The following PRKG1 variants were observed in gnomAD, a reference collection of about 807,000 sequenced individuals.
PRKG1 encodes the protein cGMP-dependent protein kinase 1.
Under a neutral mutation model 88.1 loss-of-function variants are expected in PRKG1, and 35 were observed. The ratio of observed to expected loss-of-function variants is 0.40; its 90% CI spans 0.30 to 0.53. The LOEUF (loss-of-function observed/expected upper bound fraction) is 0.53, where lower values mean the gene tolerates loss of function less well. PRKG1 is among the 20% of genes least tolerant of loss of function. PRKG1 has a pLI of 0.59. For synonymous variants in PRKG1, 303 were observed against 292.5 expected (o/e 1.04, Z -0.37); for missense variants, 540 against 839.8 (o/e 0.64, Z 4.41).
chr10:51,077,411 T>C (rs1316085481), intron 1 of PRKG1, among the ~76,000 whole-genome samples: 1 of 152,200 alleles, frequency 6.6e-6, no homozygotes, highest in Non-Finnish European at 1.5e-5. Flanking sequence ...TTTTTGATTC[T>C]CTTTTTTTTA....
intron 13 of PRKG1, among the ~76,000 whole-genome samples, chr10:52,281,211 A>G (rs1564544243): frequency 1.3e-5 from 2 of 152,186 alleles, no homozygotes; most frequent in Non-Finnish European, 2.9e-5. Context: ...CATGCCCAGA[A>G]GTCCTTTTCT....
chr10:52,234,199 C>A (rs1589721145), intron 9 of PRKG1, among the ~76,000 whole-genome samples: 2 of 152,252 alleles, frequency 1.3e-5, no homozygotes, highest in Admixed American at 1.3e-4. Context: ...GTAGATAAAA[C>A]CACAAAGATG....
At chr10:51,924,540 G>A (rs1222196810) in intron 5 of PRKG1, among the ~76,000 whole-genome samples, 4 of 152,032 alleles carry the variant, frequency 2.6e-5, no homozygotes, top group African/African-American at 7.2e-5. Context: ...TATTCTGTTT[G>A]ATATTCTCTG....
intron 2 of PRKG1, among the ~76,000 whole-genome samples, chr10:51,278,632 C>T (rs530062100): frequency 2.0e-5 from 3 of 152,144 alleles, no homozygotes; most frequent in East Asian, 3.9e-4. Flanking sequence ...CAATTTCAGA[C>T]CTGTTATTGG....
At chr10:52,034,648 C>T (rs1845558206) in intron 5 of PRKG1, among the ~76,000 whole-genome samples, 1 of 150,996 alleles carries the variant, frequency 6.6e-6, no homozygotes, top group Non-Finnish European at 1.5e-5. Context: ...GGGGATAGCA[C>T]CAGGAGATAT....
chr10:51,266,046 A>T (rs1839827962), intron 2 of PRKG1, among the ~76,000 whole-genome samples: 1 of 152,160 alleles, frequency 6.6e-6, no homozygotes, highest in Admixed American at 6.6e-5. Flanking sequence ...CCTATGGGGA[A>T]ATAATGTGCA....
intron 3 of PRKG1, among the ~76,000 whole-genome samples, chr10:51,608,114 A>G (rs150767283): frequency 2.6e-5 from 4 of 152,330 alleles, no homozygotes; most frequent in African/African-American, 7.2e-5. Context: ...ATGCCAATTT[A>G]TGGTAGCTTG....
rs760950351 is a variant in PRKG1, at chr10:51,718,015, C to G, written c.593-86570C>G. ...CCCTTCATTCATGTTTATGTATACA[C>G]TCATTAAACATTTAATTATTTCTTG... On this transcript the variant is annotated intron_variant, in intron 3 of 17. Coordinates refer to ENST00000373980, the MANE Select transcript of PRKG1 (RefSeq NM_006258.4). Among the ~76,000 whole-genome samples, 6 of 152,088 alleles carry G rather than the reference C, an allele frequency of 3.9e-5. No homozygotes were observed. In the South Asian group the frequency reaches 8.3e-4, roughly 21 times the overall value.
intron 9 of PRKG1, among the ~76,000 whole-genome samples, chr10:52,249,439 A>C (rs938625902): frequency 2.6e-5 from 4 of 151,958 alleles, no homozygotes; most frequent in African/African-American, 7.3e-5. Flanking sequence ...GAAATTTCTC[A>C]TTCACTTGGT....
intron 3 of PRKG1, among the ~76,000 whole-genome samples, chr10:51,673,809 T>A (rs1238393973): frequency 6.6e-6 from 1 of 152,228 alleles, no homozygotes; most frequent in African/African-American, 2.4e-5. Context: ...ACATCTGAAG[T>A]CTAATGATTT....
intron 3 of PRKG1, among the ~76,000 whole-genome samples, chr10:51,748,004 A>G (rs1355556903): frequency 6.6e-6 from 1 of 152,214 alleles, no homozygotes; most frequent in Admixed American, 6.5e-5. Context: ...TCTGTATAGC[A>G]GTAGAGCCAG....
chr10:51,901,499 C>T (rs1335612437), intron 4 of PRKG1, among the ~76,000 whole-genome samples: 3 of 152,172 alleles, frequency 2.0e-5, no homozygotes, highest in Non-Finnish European at 4.4e-5. Flanking sequence ...ATCTGGCACG[C>T]ATTCAACAAA....
intron 3 of PRKG1, among the ~76,000 whole-genome samples, chr10:51,480,427 C>T (rs1341781835): frequency 6.6e-6 from 1 of 152,078 alleles, no homozygotes; most frequent in Admixed American, 6.6e-5. Context: ...TTTAATCATA[C>T]TTGACTTATA....
intron 3 of PRKG1, among the ~76,000 whole-genome samples, chr10:51,497,299 C>T (rs1840887061): frequency 6.6e-6 from 1 of 152,116 alleles, no homozygotes; most frequent in South Asian, 2.1e-4. Flanking sequence ...TCCTTGGACA[C>T]CCAATACTTT....
chr10:52,005,345 C>T (rs1392575988), intron 5 of PRKG1, among the ~76,000 whole-genome samples: 1 of 150,344 alleles, frequency 6.7e-6, no homozygotes, highest in Non-Finnish European at 1.5e-5. Context: ...GTGCCCACCT[C>T]AGCTTCCCAA....
intron 2 of PRKG1, among the ~76,000 whole-genome samples, chr10:51,259,613 A>G (rs761478941): frequency 3.9e-5 from 6 of 152,150 alleles, no homozygotes; most frequent in Non-Finnish European, 7.3e-5. Context: ...AGCTGGGATT[A>G]TAGGCGTGTG....
rs539024004 is a variant in PRKG1 at position 51,181,402 on chromosome 10, C to T, written c.478+28072C>T. On this transcript the variant is annotated intron_variant, in intron 2 of 17. Coordinates refer to ENST00000373980, the MANE Select transcript of PRKG1 (RefSeq NM_006258.4). ...GACTACAGGCGCCCGCCACCGCGCC[C>T]GGCTAATTTTTTGTATTTTTAGTAG... is the stretch of plus-strand genomic sequence containing the variant. 2.8e-3 allele frequency among the ~76,000 whole-genome samples: 417 copies of T among 149,908 alleles called. 2 individuals carry two copies. Among genetic ancestry groups the T allele is most frequent in the African/African-American group, 9.8e-3 (399 of 40,848 alleles).
At chr10:52,259,397 A>G (rs1405194859) in intron 10 of PRKG1, among the ~76,000 whole-genome samples, 3 of 151,340 alleles carry the variant, frequency 2.0e-5, no homozygotes, top group South Asian at 2.1e-4. Context: ...GTCCCTTTGT[A>G]TGTCTTAATT....
chr10:51,059,104 T>G (rs1417346812), intron 1 of PRKG1, among the ~76,000 whole-genome samples: 1 of 152,226 alleles, frequency 6.6e-6, no homozygotes, highest in Non-Finnish European at 1.5e-5. Flanking sequence ...GACCTCAAAT[T>G]TACTTATTTT....
Sources: allele counts gnomAD v4.1 joint callset (sites outside exome capture counted in the v4.1 genomes callset), GRCh38; gene constraint gnomAD v4.1.1; transcripts MANE v1.5; gene names NCBI Gene and HGNC (gene_info 2026-07-23, HGNC 2026-07-21).